Variants in TMEFF2 observed in about 807,000 individuals in gnomAD.
TMEFF2 encodes tomoregulin-2.
TMEFF2 carries 28 observed loss-of-function variants against 53.8 expected under a neutral mutation model. The observed-to-expected ratio is 0.52, with a 90% confidence interval of 0.39 to 0.71. TMEFF2 has a LOEUF of 0.71. Ranked by LOEUF, TMEFF2 falls within the 30% of genes least tolerant of loss-of-function variation. The probability of loss-of-function intolerance (pLI) is 0.00; values close to 1 mark genes in which losing one functional copy is unlikely to be tolerated. For synonymous variants in TMEFF2, 162 were observed against 166.3 expected (o/e 0.97, Z 0.20); for missense variants, 353 against 455.2 (o/e 0.78, Z 2.04).
intron 4 of TMEFF2, among the ~76,000 whole-genome samples, chr2:192,153,628 G>C (rs1690438992): frequency 6.6e-6 from 1 of 151,880 alleles, no homozygotes; most frequent in South Asian, 2.1e-4. Flanking sequence ...CTCATGATGG[G>C]TAATATCTGT....
rs34696715 is a variant in TMEFF2 at position 192,015,308 on chromosome 2, C to CTTTTTT, written c.537-16106_537-16101dup. On this transcript the variant is annotated intron_variant, in intron 5 of 9. Coordinates refer to ENST00000272771, the MANE Select transcript of TMEFF2 (RefSeq NM_016192.4). ...GGCATTCTAGAGGCTATCACTGAAGCTTTTTTTTTTTTTTTTTTTTTTTTG... is the reference window on the plus strand; with the variant it reads ...GGCATTCTAGAGGCTATCACTGAAGCTTTTTTTTTTTTTTTTTTTTTTTTTTTTTTG... Among the ~76,000 whole-genome samples the CTTTTTT allele has an allele frequency of 1.5e-3, 111 of 76,272 alleles. 2 individuals carry two copies. Among genetic ancestry groups the CTTTTTT allele is most frequent in the East Asian group, 1.7e-3 (4 of 2,362 alleles). The allele number at this position is 76,272 out of a possible 152,430, so 50.0% of individuals were successfully genotyped here.
chr2:192,145,499 T>G (rs1426665137), intron 4 of TMEFF2, among the ~76,000 whole-genome samples: 1 of 151,950 alleles, frequency 6.6e-6, no homozygotes, highest in Non-Finnish European at 1.5e-5. Flanking sequence ...ATACTAGGAA[T>G]CAGAGATTTT....
In TMEFF2 at chr2:192,075,311, A is replaced by ATG. The variant is rs1559115163; in HGVS notation, c.440-17537_440-17536insCA. 4.9e-4 allele frequency among the ~76,000 whole-genome samples: 57 copies of ATG among 116,832 alleles called. 2 individuals carry two copies. The highest frequency in any genetic ancestry group is 1.8e-3 in the African/African-American group (53 of 29,390). 76.6% of individuals were successfully genotyped at this position (116,832 alleles called of 152,430 possible). Reference sequence around the variant, plus strand: ...TATATATATATATATATATATATATATATATATATATATATATATATACAT... The same window carrying ATG: ...TATATATATATATATATATATATATATGTATATATATATATATATATATACAT... On this transcript the variant is annotated intron_variant, in intron 4 of 9. Coordinates refer to ENST00000272771, the MANE Select transcript of TMEFF2 (RefSeq NM_016192.4).
intron 4 of TMEFF2, among the ~76,000 whole-genome samples, chr2:192,129,140 C>T (rs970409536): frequency 1.3e-5 from 2 of 152,148 alleles, no homozygotes; most frequent in Non-Finnish European, 2.9e-5. Flanking sequence ...ACCTACATGG[C>T]CCAAGGCTGA....
chr2:191,981,384 C>G (rs927858740), intron 7 of TMEFF2, among the ~76,000 whole-genome samples: 6 of 152,138 alleles, frequency 3.9e-5, no homozygotes, highest in Non-Finnish European at 8.8e-5. Flanking sequence ...CTACCATTTT[C>G]TGAAACACTC....
intron 4 of TMEFF2, among the ~76,000 whole-genome samples, chr2:192,109,755 G>A (rs1689232978): frequency 6.6e-6 from 1 of 152,128 alleles, no homozygotes; most frequent in South Asian, 2.1e-4. Flanking sequence ...TGTGCGAAAT[G>A]TGTGCATGCC....
chr2:192,013,594 C>T (rs181966766), intron 5 of TMEFF2, among the ~76,000 whole-genome samples: 188 of 152,060 alleles, frequency 1.2e-3, no homozygotes, highest in African/African-American at 4.0e-3. Context: ...GAATTACAGG[C>T]GCCCACCACC....
chr2:192,190,867 T>C (rs1370279327), intron 2 of TMEFF2, among the ~76,000 whole-genome samples: 1 of 104,564 alleles, frequency 9.6e-6, no homozygotes, highest in Non-Finnish European at 1.9e-5. Context: ...TTTGAGTTTA[T>C]TGTTTTTATT....
intron 4 of TMEFF2, among the ~76,000 whole-genome samples, chr2:192,098,837 G>C (rs1438973219): frequency 6.6e-6 from 1 of 152,126 alleles, no homozygotes; most frequent in South Asian, 2.1e-4. Context: ...TTTAGAATAA[G>C]TCTTGAGAAG....
chr2:192,019,315 T>C (rs1249326463), intron 5 of TMEFF2, among the ~76,000 whole-genome samples: 2 of 152,028 alleles, frequency 1.3e-5, no homozygotes, highest in African/African-American at 4.8e-5. Context: ...TGAGAAGTAT[T>C]ATAAATATTT....
At chr2:192,035,497 C>T (rs1396203215) in intron 5 of TMEFF2, 3 of 152,186 alleles carry the variant, frequency 2.0e-5, no homozygotes, top group Admixed American at 1.3e-4. Flanking sequence ...GGCAGCTCCT[C>T]AGTTTTTTCT....
chr2:192,173,621 T>A (rs533690983), intron 4 of TMEFF2, among the ~76,000 whole-genome samples: 1 of 152,010 alleles, frequency 6.6e-6, no homozygotes, highest in South Asian at 2.1e-4. Flanking sequence ...AGAATAATTA[T>A]GTACTGTTTT....
rs149452225 is a variant in TMEFF2, at chr2:192,103,549, G to C, written c.440-45774C>G. Among the ~76,000 whole-genome samples, 472 of 152,036 alleles carry C rather than the reference G, an allele frequency of 3.1e-3. 4 individuals carry two copies. The highest frequency in any genetic ancestry group is 0.011 in the African/African-American group (436 of 41,480). On this transcript the variant is annotated intron_variant, in intron 4 of 9. Coordinates refer to ENST00000272771, the MANE Select transcript of TMEFF2 (RefSeq NM_016192.4). Reference sequence around the variant, plus strand: ...CCTTCCTACTTTATCTTGTTCTTTTGCTAATTAGACATTAACGAAACCTGA... The same window carrying C: ...CCTTCCTACTTTATCTTGTTCTTTTCCTAATTAGACATTAACGAAACCTGA...
At chr2:192,105,171 G>A (rs1357770546) in intron 4 of TMEFF2, among the ~76,000 whole-genome samples, 1 of 151,832 alleles carries the variant, frequency 6.6e-6, no homozygotes, top group Admixed American at 6.6e-5. Context: ...ACAAAGCTGT[G>A]TTTTTTCCCC....
rs1251757274 is a variant in TMEFF2 at position 191,964,339 on chromosome 2, T to C, written c.746-7961A>G. Among the ~76,000 whole-genome samples, 218 of 46,946 alleles carry C rather than the reference T, an allele frequency of 4.6e-3. 3 individuals carry two copies. Among genetic ancestry groups the C allele is most frequent in the African/African-American group, 0.016 (207 of 13,272 alleles). The allele number at this position is 46,946 out of a possible 152,430, so 30.8% of individuals were successfully genotyped here. A position where few individuals can be genotyped will look rare whatever the true frequency, so the allele number is the denominator to read the frequency against. On this transcript the variant is annotated intron_variant, in intron 7 of 9. Coordinates refer to ENST00000272771, the MANE Select transcript of TMEFF2 (RefSeq NM_016192.4). ...TCCTTCCTTCCTTTCTTTCCTTCTTTCTTTCTTTCTTTCTTTCTTTCTTTC... is the reference window on the plus strand; with the variant it reads ...TCCTTCCTTCCTTTCTTTCCTTCTTCCTTTCTTTCTTTCTTTCTTTCTTTC...
chr2:192,185,757 C>T (rs1027393195), intron 2 of TMEFF2, among the ~76,000 whole-genome samples: 1 of 152,016 alleles, frequency 6.6e-6, no homozygotes, highest in African/African-American at 2.4e-5. Context: ...TATTCCTAAT[C>T]AACTATTTAA....
At chr2:191,977,313 G>A (rs1180709368) in intron 7 of TMEFF2, among the ~76,000 whole-genome samples, 3 of 152,202 alleles carry the variant, frequency 2.0e-5, no homozygotes, top group South Asian at 2.1e-4. Context: ...GTACAGTCCC[G>A]CTGCAAAGGC....
At chr2:192,154,226 G>A (rs946401345) in intron 4 of TMEFF2, among the ~76,000 whole-genome samples, 21 of 151,918 alleles carry the variant, frequency 1.4e-4, no homozygotes, top group Non-Finnish European at 2.5e-4. Flanking sequence ...CAGAAGTGGT[G>A]TATGTTTGTG....
At chr2:192,131,672 G>A (rs1317176422) in intron 4 of TMEFF2, among the ~76,000 whole-genome samples, 1 of 151,854 alleles carries the variant, frequency 6.6e-6, no homozygotes, top group African/African-American at 2.4e-5. Flanking sequence ...TCTTTTCCCT[G>A]GGCTTGCCTC....
Sources: allele counts gnomAD v4.1 joint callset (sites outside exome capture counted in the v4.1 genomes callset), GRCh38; gene constraint gnomAD v4.1.1; transcripts MANE v1.5; gene names NCBI Gene and HGNC (gene_info 2026-07-23, HGNC 2026-07-21).